Variants in FCRL3 observed in about 807,000 individuals in gnomAD.
FCRL3 encodes Fc receptor-like protein 3.
FCRL3 carries 89 observed loss-of-function variants against 75.0 expected under a neutral mutation model. The ratio of observed to expected loss-of-function variants is 1.19; its 90% CI spans 1.00 to 1.42. The LOEUF is 1.42. Ranked by LOEUF, FCRL3 falls within the 40% of genes most tolerant of loss-of-function variation. The pLI is 0.00. For synonymous variants in FCRL3, 376 were observed against 348.5 expected (o/e 1.08, Z -0.88); for missense variants, 946 against 880.0 (o/e 1.07, Z -0.95).
In FCRL3 at chr1:157,680,641, C is replaced by G; in HGVS notation, c.2026+61G>C. 2.9e-6 allele frequency: 4 copies of G among 1,402,490 alleles called. No individual in the cohort carries two copies. The South Asian group carries it at 4.7e-5, about 16-fold the overall frequency. 86.9% of individuals were successfully genotyped at this position (1,402,490 alleles called of 1,614,324 possible). A position where few individuals can be genotyped will look rare whatever the true frequency, so the allele number is the denominator to read the frequency against. On this transcript the variant is annotated intron_variant, in intron 13 of 14. Transcript: ENST00000368184. ...ATTTGAAATAACTCTGATCAAAGAC[C>G]CCTTGCCCGTTTCAATAAAACACTG...
Position 157,678,758 on chromosome 1 carries a change from TTCA to T in FCRL3, c.2154_2156del (p.Asp718del). On this transcript the variant is annotated inframe_deletion, in exon 15 of 15. Coordinates refer to ENST00000368184, the MANE Select transcript of FCRL3 (RefSeq NM_052939.4). ...CACGTGGTACATTCTCATAGTTTTC[TTCA>T]TCATCTTCTTCATGGGCCCTGCCTC... 4 of 1,614,138 alleles carry T rather than the reference TTCA, an allele frequency of 2.5e-6. No homozygotes were observed. The highest frequency in any genetic ancestry group is 3.4e-6 in the Non-Finnish European group (4 of 1,180,018).
chr1:157,679,039 C>T (rs556048645), intron 13 of FCRL3, 66 bp from the exon 14 acceptor site: 66 of 1,534,202 alleles, frequency 4.3e-5, no homozygotes, highest in East Asian at 9.0e-5. Context: ...TTACAACGTA[C>T]GCACACTGCA....
At chr1:157,697,064 C>T (rs1205501454) in intron 6 of FCRL3, 76 bp downstream of exon 6, 1 of 1,310,838 alleles carries the variant, frequency 7.6e-7, no homozygotes, top group African/African-American at 1.5e-5. Flanking sequence ...GTCCACCATC[C>T]TAGGGGTGCA....
At chr1:157,687,606 T>TA (rs972376183) in intron 10 of FCRL3, among the ~76,000 whole-genome samples, 7 of 149,302 alleles carry the variant, frequency 4.7e-5, no homozygotes, top group African/African-American at 1.5e-4. Flanking sequence ...TACGCAGACA[T>TA]AAAAAAATGA....
rs748464177 is a variant in FCRL3, at chr1:157,681,073, G to A, written c.1865C>T (p.Pro622Leu). 2 of 1,600,104 alleles carry A rather than the reference G, an allele frequency of 1.2e-6. No individual in the cohort carries two copies. Among genetic ancestry groups the A allele is most frequent in the Non-Finnish European group, 1.7e-6 (2 of 1,175,468 alleles). Residue 622 changes from proline to leucine, a missense_variant, in exon 12 of 15, where the codon CCT becomes CTT. By Grantham distance (98) the Pro-to-Leu change is moderately conservative. Coordinates refer to ENST00000368184, the MANE Select transcript of FCRL3 (RefSeq NM_052939.4). ...SSHSPSECQEPSSSRPSRIDP... is the reference protein window; with the variant it reads ...SSHSPSECQELSSSRPSRIDP... ...TATCCTGGAAGGCCTGGACGAGGAA[G>A]GCTCCTGACACTCACTAGGACTGTG...
chr1:157,695,291 G>T (rs372601245), intron 8 of FCRL3, 38 bp downstream of exon 8: 1 of 1,586,808 alleles, frequency 6.3e-7, no homozygotes, highest in Admixed American at 1.7e-5. Context: ...ATGATCTGTT[G>T]TATTGGCTGT....
At chr1:157,696,986 G>A (rs1655950174) in intron 6 of FCRL3, 154 bp downstream of exon 6, 3 of 643,016 alleles carry the variant, frequency 4.7e-6, no homozygotes, top group African/African-American at 3.8e-5. Context: ...ATGTTCTAGG[G>A]CTGTTAGACC....
chr1:157,678,836 T>G lies in FCRL3; in HGVS notation c.2079A>C (p.Ser693=). 6.2e-7 allele frequency: 1 copy of G among 1,613,992 alleles called. No homozygotes were observed. The highest frequency in any genetic ancestry group is 8.5e-7 in the Non-Finnish European group (1 of 1,179,972). Residue 693 remains serine (S), a synonymous_variant, in exon 15 of 15, where the codon TCA becomes TCC. Transcript: ENST00000368184. ...QEHEELTVLY[S]ELKKTHPDDS... is the part of the protein sequence containing the mutation. The stretch of plus-strand genomic sequence containing the variant: ...CGTCTGGGTGTGTCTTCTTCAGTTC[T>G]GAATAGAGGACTGTAAGTTCCTGGT...
chr1:157,684,276 T>G (rs1489196422), intron 10 of FCRL3, among the ~76,000 whole-genome samples: 1 of 152,192 alleles, frequency 6.6e-6, no homozygotes, highest in African/African-American at 2.4e-5. Context: ...TTTGCCTTTT[T>G]AAAATCTGTG....
intron 8 of FCRL3, 93 bp downstream of exon 8, chr1:157,695,236 G>C (rs1411494786): frequency 1.5e-6 from 2 of 1,320,070 alleles, no homozygotes; most frequent in African/African-American, 1.5e-5. Context: ...AGTCTATTGG[G>C]ATATCAACCA....
At chr1:157,699,111 T>C (rs1237217042) in intron 3 of FCRL3, among the ~76,000 whole-genome samples, 1 of 152,166 alleles carries the variant, frequency 6.6e-6, no homozygotes, top group Non-Finnish European at 1.5e-5. Flanking sequence ...GCTTTGAAAG[T>C]CTATGGGGAA....
rs1042411350 is a variant in FCRL3 at position 157,677,237 on chromosome 1, T to A, written c.*1473A>T. On this transcript the variant is annotated 3_prime_UTR_variant, in exon 15 of 15. Coordinates refer to ENST00000368184, the MANE Select transcript of FCRL3 (RefSeq NM_052939.4). ...GCCTTCTGGTGAAACTCAGCTTCCA[T>A]AGTGATGGAACCTAAGGGTAGCAGA... is the stretch of plus-strand genomic sequence containing the variant. The A allele has an allele frequency of 8.0e-6, 8 of 1,004,364 alleles. No homozygotes were observed. The highest frequency in any genetic ancestry group is 3.4e-5 in the African/African-American group (2 of 58,084). The allele number at this position is 1,004,364 out of a possible 1,614,324, so 62.2% of individuals were successfully genotyped here. A position where few individuals can be genotyped will look rare whatever the true frequency, so the allele number is the denominator to read the frequency against.
rs370186395 is a variant in FCRL3, at chr1:157,690,207, T to C, written c.1690+48A>G. 1.6e-5 allele frequency: 25 copies of C among 1,591,894 alleles called. No homozygotes were observed. The African/African-American group carries it at 2.3e-4, about 15-fold the overall frequency. On this transcript the variant is annotated intron_variant, in intron 9 of 14. Coordinates refer to ENST00000368184, the MANE Select transcript of FCRL3 (RefSeq NM_052939.4). ...ATTTGTACAATCTGTCAGATAACTA[T>C]TTTATTTACCATAACTGTGACCTCT...
chr1:157,679,506 A>G (rs914251128), intron 13 of FCRL3, among the ~76,000 whole-genome samples: 1 of 152,272 alleles, frequency 6.6e-6, no homozygotes. Context: ...GAGAAAATTT[A>G]GTGTGTGTGT....
Position 157,678,195 on chromosome 1 carries a change from G to A in FCRL3, c.*515C>T, listed in dbSNP as rs1216552778. ...TAAGTACAAAAATACACTTCAGATA[G>A]AGTCACCTTAAATTCTTGTTCTATA... On this transcript the variant is annotated 3_prime_UTR_variant, in exon 15 of 15. Transcript: ENST00000368184. The A allele has an allele frequency of 1.0e-6, 1 of 987,204 alleles. No homozygotes were observed. The highest frequency in any genetic ancestry group is 1.2e-6 in the Non-Finnish European group (1 of 831,300). 61.2% of individuals were successfully genotyped at this position (987,204 alleles called of 1,614,324 possible). A position where few individuals can be genotyped will look rare whatever the true frequency, so the allele number is the denominator to read the frequency against.
chr1:157,690,068 C>A, intron 9 of FCRL3, 151 bp from the exon 10 acceptor site: 1 of 1,339,542 alleles, frequency 7.5e-7, no homozygotes. Context: ...AGGTATTCTC[C>A]AGCATCTAAG....
At position 157,696,145 on chromosome 1, in the gene FCRL3, G is replaced by C. The variant is rs749548879; in HGVS notation, c.1027C>G (p.Leu343Val). The part of the protein sequence containing the change: ...RKTQRSLLAE[L>V]HVLTVKESDA... The stretch of plus-strand genomic sequence containing the variant: ...CTCTCCTTCACGGTGAGAACATGCA[G>C]CTCTGCCAACAGGGAACGCTGGGTC... Residue 343 changes from leucine to valine, a missense_variant, in exon 7 of 15, where the codon CTG becomes GTG. By Grantham distance (32) the Leu-to-Val change is conservative (BLOSUM62 1). Coordinates refer to ENST00000368184, the MANE Select transcript of FCRL3 (RefSeq NM_052939.4). 6.2e-7 allele frequency: 1 copy of C among 1,613,990 alleles called. No individual in the cohort carries two copies.
In FCRL3 at chr1:157,677,656, A is replaced by G; in HGVS notation, c.*1054T>C. The stretch of plus-strand genomic sequence containing the variant: ...ACACAAGTAAATACTAAACAGCAAT[A>G]AAAACAAATGAACTATAGCAACACG... On this transcript the variant is annotated 3_prime_UTR_variant, in exon 15 of 15. Coordinates refer to ENST00000368184, the MANE Select transcript of FCRL3 (RefSeq NM_052939.4). The G allele has an allele frequency of 2.1e-6, 2 of 945,326 alleles. No homozygotes were observed. Among genetic ancestry groups the G allele is most frequent in the Non-Finnish European group, 2.5e-6 (2 of 793,574 alleles). The allele number at this position is 945,326 out of a possible 1,614,324, so 58.6% of individuals were successfully genotyped here.
chr1:157,690,974 G>A (rs1655495090), intron 8 of FCRL3, among the ~76,000 whole-genome samples: 3 of 151,540 alleles, frequency 2.0e-5, no homozygotes, highest in Non-Finnish European at 4.4e-5. Flanking sequence ...TTTCTACATA[G>A]CATTTAGCAC....
Sources: allele counts gnomAD v4.1 joint callset (sites outside exome capture counted in the v4.1 genomes callset), GRCh38; gene constraint gnomAD v4.1.1; transcripts MANE v1.5; gene names NCBI Gene and HGNC (gene_info 2026-07-23, HGNC 2026-07-21).